The following GNAS variants were observed in gnomAD, a reference collection of about 807,000 sequenced individuals.
GNAS encodes the protein GNAS complex locus.
GNAS carries 8 observed loss-of-function variants against 54.5 expected under a neutral mutation model. That is an observed-to-expected ratio of 0.15 (90% CI 0.09 to 0.26). The LOEUF is 0.26. Among genes scored for constraint, GNAS ranks in the 10% least tolerant of loss-of-function variants. GNAS has a pLI of 1.00. For missense variants in GNAS, 170 were observed against 529.8 expected (o/e 0.32, Z 6.67); for synonymous variants, 204 against 191.4 (o/e 1.07, Z -0.54).
intron 1 of GNAS, chr20:58,855,011 C>A: frequency 1.2e-6 from 2 of 1,612,818 alleles, no homozygotes; most frequent in South Asian, 1.1e-5. Context: ...ACGAGTCCGA[C>A]GATGGGACCT....
At chr20:58,889,420 G>A (rs539046479), upstream of GNAS, 335 of 975,456 alleles carry the variant, frequency 3.4e-4, 1 homozygote, top group African/African-American at 5.3e-3. Flanking sequence ...AGAGCCGCCG[G>A]GTCCGGGACA....
rs1379926303 is a variant in GNAS at position 58,841,577 on chromosome 20, C to G, written c.43+691C>G. On this transcript the variant is annotated intron_variant, in intron 1 of 12. Coordinates refer to the GNAS transcript ENST00000306090. This position sits in a 1 kb window ranked among gnomAD's most constrained non-coding sequence, Gnocchi z 5.0. ...GCCACAGCCCGCCTCCCGTCGCTCG[C>G]GGGACAGAGACCGCCTCAAAGAGCG... is the stretch of plus-strand genomic sequence containing the variant. The G allele has an allele frequency of 3.0e-6, 3 of 1,006,666 alleles. No individual in the cohort carries two copies. The highest frequency in any genetic ancestry group is 3.6e-6 in the Non-Finnish European group (3 of 844,602). 62.4% of individuals were successfully genotyped at this position (1,006,666 alleles called of 1,614,324 possible).
intron 5 of GNAS, among the ~76,000 whole-genome samples, chr20:58,904,027 C>G (rs1331604173): frequency 6.6e-6 from 1 of 152,172 alleles, no homozygotes; most frequent in Non-Finnish European, 1.5e-5. Context: ...TTCTGTCACC[C>G]CTTCTACATC....
At chr20:58,865,133 T>C (rs6026566) in intron 1 of GNAS, among the ~76,000 whole-genome samples, 65,747 of 151,838 alleles carry the variant, frequency 0.43, 17,158 homozygotes, top group African/African-American at 0.73. Flanking sequence ...ATATATATAT[T>C]GGGGCTGGGC....
Position 58,902,811 on chromosome 20 carries a change from AACCTCCGCCTC to A in GNAS, c.258-719_258-709del, listed in dbSNP as rs2090751279. ...CAGTGGTGCCATCTCAGCTTACTGC[AACCTCCGCCTC>A]CCGGGTTCAAGCAATTCTCCTGCCT... On this transcript the variant is annotated intron_variant, in intron 3 of 12. Transcript: ENST00000371085. 1.1e-4 allele frequency among the ~76,000 whole-genome samples: 14 copies of A among 132,644 alleles called. No individual in the cohort carries two copies. In the Admixed American group the frequency reaches 1.4e-3, roughly 13 times the overall value. 87.0% of individuals were successfully genotyped at this position (132,644 alleles called of 152,430 possible).
chr20:58,880,059 C>T (rs780032863), intron 1 of GNAS, among the ~76,000 whole-genome samples: 1 of 151,896 alleles, frequency 6.6e-6, no homozygotes, highest in African/African-American at 2.4e-5. Context: ...TCTCTTTTTC[C>T]TCGTGTGCAT....
chr20:58,871,237 C>T (rs966956606), intron 1 of GNAS, among the ~76,000 whole-genome samples: 4 of 152,178 alleles, frequency 2.6e-5, no homozygotes, highest in African/African-American at 9.7e-5. Context: ...AACCAATTCC[C>T]TTTGGCCAGT....
At chr20:58,881,366 T>C (rs2088209820) in intron 1 of GNAS, among the ~76,000 whole-genome samples, 1 of 152,236 alleles carries the variant, frequency 6.6e-6, no homozygotes, top group African/African-American at 2.4e-5. Context: ...GTTGAGCTAT[T>C]TGGCACCATC....
chr20:58,841,279 T>C lies in GNAS; in HGVS notation c.43+393T>C, dbSNP rs138461295. 1.7e-3 allele frequency: 1,831 copies of C among 1,052,068 alleles called. 26 individuals are homozygous for C. In the East Asian group the frequency reaches 0.053, roughly 30 times the overall value. The allele number at this position is 1,052,068 out of a possible 1,614,324, so 65.2% of individuals were successfully genotyped here. A position where few individuals can be genotyped will look rare whatever the true frequency, so the allele number is the denominator to read the frequency against. On this transcript the variant is annotated intron_variant, in intron 1 of 12. Transcript: ENST00000306090. The surrounding 1 kb of genome is among the most constrained non-coding windows in gnomAD (Gnocchi z 5.0). ...CCTAGAAAGACTAGTCTCAAATAAG[T>C]TGGCCTTCTCAGGTGTCCAAAATGT...
At chr20:58,852,658 C>T (rs1034397553) in intron 1 of GNAS, 2 of 186,652 alleles carry the variant, frequency 1.1e-5, no homozygotes, top group African/African-American at 2.3e-5. Context: ...CCACGTCTTG[C>T]GTCACGTGTC....
intron 1 of GNAS, chr20:58,854,672 G>A: frequency 6.5e-7 from 1 of 1,527,314 alleles, no homozygotes; most frequent in Non-Finnish European, 8.7e-7. Context: ...ATGCCGGGGC[G>A]GCCCCTGAGG....
At chr20:58,876,040 G>C (rs571214580) in intron 1 of GNAS, among the ~76,000 whole-genome samples, 238 of 152,234 alleles carry the variant, frequency 1.6e-3, no homozygotes, top group African/African-American at 5.4e-3. Flanking sequence ...TGGCGCTTGG[G>C]TTGATTTCAC....
At chr20:58,845,155 T>C (rs533222144) in intron 1 of GNAS, among the ~76,000 whole-genome samples, 1 of 152,314 alleles carries the variant, frequency 6.6e-6, no homozygotes, top group Admixed American at 6.5e-5. Context: ...TTGGAGAGGC[T>C]AACCACTGTG....
Position 58,909,614 on chromosome 20 carries a change from C to T in GNAS, c.718+35C>T, listed in dbSNP as rs774493426. The stretch of plus-strand genomic sequence containing the variant: ...TGTGGGCTTGGCTGTTCGTAAAGAA[C>T]GCTTTGCTTCTGTGTTGTTAGGGAT... On this transcript the variant is annotated intron_variant, in intron 9 of 12. Coordinates refer to ENST00000371085, the MANE Select transcript of GNAS (RefSeq NM_000516.7). The surrounding 1 kb of genome is among the most constrained non-coding windows in gnomAD (Gnocchi z 7.3). The T allele has an allele frequency of 2.9e-5, 46 of 1,613,870 alleles. No individual in the cohort carries two copies. Among genetic ancestry groups the T allele is most frequent in the Non-Finnish European group, 3.6e-5 (43 of 1,179,882 alleles).
At chr20:58,879,354 C>G (rs2088066959) in intron 1 of GNAS, among the ~76,000 whole-genome samples, 1 of 152,208 alleles carries the variant, frequency 6.6e-6, no homozygotes, top group African/African-American at 2.4e-5. Context: ...TTAGCACAAT[C>G]TAAAAAACTC....
At chr20:58,852,991 A>G in intron 1 of GNAS, 2 of 1,251,692 alleles carry the variant, frequency 1.6e-6, no homozygotes, top group African/African-American at 3.0e-5. Context: ...AGGATAGACC[A>G]AGGAAGAGGG....
At chr20:58,848,911 C>A (rs1248873841) in intron 1 of GNAS, 2 of 398,350 alleles carry the variant, frequency 5.0e-6, no homozygotes, top group Non-Finnish European at 8.8e-6. Context: ...AGTCTGGTAG[C>A]CAGTCACTAC....
In GNAS at chr20:58,841,354, G is replaced by A. The variant is rs1186277449; in HGVS notation, c.43+468G>A. 3.8e-6 allele frequency: 4 copies of A among 1,045,396 alleles called. No homozygotes were observed. The African/African-American group carries it at 6.8e-5, about 18-fold the overall frequency. The allele number at this position is 1,045,396 out of a possible 1,614,324, so 64.8% of individuals were successfully genotyped here. On this transcript the variant is annotated intron_variant, in intron 1 of 12. Transcript: ENST00000306090. This position sits in a 1 kb window ranked among gnomAD's most constrained non-coding sequence, Gnocchi z 5.0. ...TTCACGATGTGAGAGCAGCCGCGCT[G>A]TAGAGACACCGTTGAAATGTGCGGA...
chr20:58,898,620 A>C (rs975093017), intron 2 of GNAS: 1 of 455,866 alleles, frequency 2.2e-6, no homozygotes, highest in Non-Finnish European at 4.0e-6. Flanking sequence ...TCACTGCTTT[A>C]GCTCCCTAAT....
Sources: gnomAD v4.1 joint callset for allele counts (sites outside exome capture counted in the v4.1 genomes callset) on GRCh38, gnomAD v4.1.1 for gene constraint, Gnocchi (gnomAD v3.1) non-coding constraint, MANE v1.5 for transcripts, NCBI Gene and HGNC (gene_info 2026-07-23, HGNC 2026-07-21) for gene names.